The following CTSV variants were observed in gnomAD, a reference collection of about 807,000 sequenced individuals.
The protein encoded by CTSV is cathepsin L2.
A neutral mutation model predicts 35.6 loss-of-function variants in CTSV; 33 were observed. That is an observed-to-expected ratio of 0.93 (90% CI 0.70 to 1.24). The LOEUF is 1.24. Ranked by LOEUF, CTSV falls within the 50% of genes most tolerant of loss-of-function variation. The pLI is 0.00. For missense variants in CTSV, 408 were observed against 413.1 expected, an observed-to-expected ratio of 0.99 and a Z score of 0.11; for synonymous variants, 154 against 147.1, an observed-to-expected ratio of 1.05 and a Z score of -0.34.
At position 97,033,027 on chromosome 9, in the gene CTSV, C is replaced by G. The variant is rs374126168; in HGVS notation, c.927G>C (p.Ser309=). Reference sequence around the variant, plus strand: ...CTTTGGCTATTTTTACATAGCCATTCGAGCCCCATTCTGGACCCCAGCTGA... The same window carrying G: ...CTTTGGCTATTTTTACATAGCCATTGGAGCCCCATTCTGGACCCCAGCTGA... The part of the protein sequence containing the change: ...VKNSWGPEWG[S]NGYVKIAKDK... The change falls in exon 8 of 8, where the codon TCG becomes TCC. Residue 309 remains serine, a synonymous_variant. Coordinates refer to ENST00000259470, the MANE Select transcript of CTSV (RefSeq NM_001333.4). The G allele has an allele frequency of 1.9e-5, 31 of 1,612,536 alleles. No individual in the cohort carries two copies. The Admixed American group carries it at 2.7e-4, about 14-fold the overall frequency.
intron 5 of CTSV, 57 bp from the exon 6 acceptor site, chr9:97,035,750 T>C: frequency 8.0e-7 from 1 of 1,246,966 alleles, no homozygotes; most frequent in Non-Finnish European, 1.0e-6. Context: ...CTGGGGAACA[T>C]TAGTTCTAGA....
intron 7 of CTSV, among the ~76,000 whole-genome samples, chr9:97,034,088 C>T (rs1828804401): frequency 6.6e-6 from 1 of 152,192 alleles, no homozygotes; most frequent in Non-Finnish European, 1.5e-5. Flanking sequence ...CAGAGCGACA[C>T]TCTGTCTCAA....
rs778724315 is a variant in CTSV, at chr9:97,034,736, C to T, written c.895G>A (p.Val299Ile). Residue 299 changes from valine to isoleucine, a missense_variant, in exon 7 of 8, where the codon GTC (valine) becomes ATC (isoleucine). Val to Ile is a conservative substitution (Grantham distance 29, BLOSUM62 3). Coordinates refer to ENST00000259470, the MANE Select transcript of CTSV (RefSeq NM_001333.4). ...ANSNNSKYWL[V>I]KNSWGPEWGS... ...TTTTGAGTTTTATACCTGTTTTTGA[C>T]GAGCCAATACTTGCTGTTATTCGAA... The T allele has an allele frequency of 1.2e-5, 19 of 1,612,118 alleles. No homozygotes were observed. Among genetic ancestry groups the T allele is most frequent in the Admixed American group, 3.3e-5 (2 of 59,892 alleles).
At chr9:97,035,452 G>A in intron 6 of CTSV, 76 bp downstream of exon 6, 1 of 1,210,292 alleles carries the variant, frequency 8.3e-7, no homozygotes, top group Admixed American at 3.1e-5. Context: ...CTGCAAAGCA[G>A]GATGTCATAT....
Position 97,031,400 on chromosome 9 carries a change from ATTT to A in CTSV, c.*1546_*1548del, listed in dbSNP as rs1399990535. ...AAATTTCACCAGCTCATCCCCGGTA[ATTT>A]TTTATTTGACTGGAAACATGGGCTT... On this transcript the variant is annotated 3_prime_UTR_variant, in exon 8 of 8. Transcript: ENST00000259470. 3 of 152,088 alleles carry A rather than the reference ATTT, an allele frequency of 2.0e-5. No individual in the cohort carries two copies. The highest frequency in any genetic ancestry group is 2.9e-5 in the Non-Finnish European group (2 of 68,022). 9.4% of individuals were successfully genotyped at this position (152,088 alleles called of 1,614,324 possible).
intron 4 of CTSV, 69 bp from the exon 5 acceptor site, chr9:97,036,816 T>G: frequency 3.2e-6 from 4 of 1,251,238 alleles, no homozygotes; most frequent in Non-Finnish European, 4.3e-6. Flanking sequence ...CATAATTGAA[T>G]TACCTTAATA....
rs1828709256 is a variant in CTSV at position 97,029,718 on chromosome 9, A to G, written c.*3231T>C. ...GTTTTACTTATTAACTTACTTAAAA[A>G]GAGATAATGAACATTTGTGAAATTG... On this transcript the variant is annotated 3_prime_UTR_variant, in exon 8 of 8. Transcript: ENST00000259470. 6.6e-6 allele frequency: 1 copy of G among 152,258 alleles called. No individual in the cohort carries two copies. The highest frequency in any genetic ancestry group is 1.5e-5 in the Non-Finnish European group (1 of 68,046). 9.4% of individuals were successfully genotyped at this position (152,258 alleles called of 1,614,324 possible). A position where few individuals can be genotyped will look rare whatever the true frequency, so the allele number is the denominator to read the frequency against.
At position 97,036,014 on chromosome 9, in the gene CTSV, C is replaced by T. The variant is rs182689456; in HGVS notation, c.622-321G>A. ...GCTGTGTGTTAACCATCTAATGGTACTTATATGGTAACCATTAGCTGTTGA... is the reference window on the plus strand; with the variant it reads ...GCTGTGTGTTAACCATCTAATGGTATTTATATGGTAACCATTAGCTGTTGA... On this transcript the variant is annotated intron_variant, in intron 5 of 7. Coordinates refer to ENST00000259470, the MANE Select transcript of CTSV (RefSeq NM_001333.4). Among the ~76,000 whole-genome samples the T allele has an allele frequency of 8.6e-4, 131 of 151,996 alleles. 1 individual carries two copies. The highest frequency in any genetic ancestry group is 9.7e-4 in the East Asian group (5 of 5,178).
At chr9:97,034,123 T>C (rs189966834) in intron 7 of CTSV, among the ~76,000 whole-genome samples, 2 of 152,268 alleles carry the variant, frequency 1.3e-5, no homozygotes, top group African/African-American at 4.8e-5. Context: ...AATGAATGAA[T>C]GAATATATTG....
chr9:97,038,810 C>A (rs1263389636), intron 1 of CTSV, among the ~76,000 whole-genome samples: 1 of 152,150 alleles, frequency 6.6e-6, no homozygotes, highest in Non-Finnish European at 1.5e-5. Flanking sequence ...CGCGGCCAGG[C>A]TGGGGGCATG....
At chr9:97,036,790 T>C (rs753842511) in intron 4 of CTSV, 43 bp from the exon 5 acceptor site, 16 of 1,440,628 alleles carry the variant, frequency 1.1e-5, no homozygotes, top group South Asian at 1.3e-5. Context: ...ACAAGACCAA[T>C]ACAAATACAG....
At position 97,035,595 on chromosome 9, in the gene CTSV, G is replaced by C. The variant is rs772489481; in HGVS notation, c.720C>G (p.Val240=). ...PGKEKALMKA[V]ATVGPISVAM... ...CAACGGAGATGGGCCCCACAGTTGC[G>C]ACTGCTTTCATCAGGGCCTTCTCCT... The change falls in exon 6 of 8, where the codon GTC becomes GTG. Residue 240 remains valine, a synonymous_variant. Coordinates refer to ENST00000259470, the MANE Select transcript of CTSV (RefSeq NM_001333.4). 1.2e-5 allele frequency: 19 copies of C among 1,604,702 alleles called. No individual in the cohort carries two copies. Among genetic ancestry groups the C allele is most frequent in the African/African-American group, 9.4e-5 (7 of 74,550 alleles).
At position 97,034,892 on chromosome 9, in the gene CTSV, G is replaced by T. The variant is rs750180388; in HGVS notation, c.788-49C>A. 10 of 1,415,452 alleles carry T rather than the reference G, an allele frequency of 7.1e-6. No individual in the cohort carries two copies. The South Asian group carries it at 1.0e-4, about 15-fold the overall frequency. The allele number at this position is 1,415,452 out of a possible 1,614,324, so 87.7% of individuals were successfully genotyped here. ...GGGTGAGAAGCTCCAAGCGACATGT[G>T]ACAGTAACCCACCCTACCACCCTCC... On this transcript the variant is annotated intron_variant, in intron 6 of 7. Coordinates refer to ENST00000259470, the MANE Select transcript of CTSV (RefSeq NM_001333.4).
In CTSV at chr9:97,037,674, A is replaced by C. The variant is rs1828879679; in HGVS notation, c.127-59T>G. On this transcript the variant is annotated intron_variant, in intron 2 of 7. Coordinates refer to ENST00000259470, the MANE Select transcript of CTSV (RefSeq NM_001333.4). ...TCTACTTACCCAACCCATGTTCACC[A>C]AGCCGATTTGCGGGCAGAAATGGAA... is the stretch of plus-strand genomic sequence containing the variant. 2.5e-6 allele frequency: 4 copies of C among 1,592,572 alleles called. No individual in the cohort carries two copies. In the South Asian group the frequency reaches 3.4e-5, roughly 14 times the overall value.
At position 97,032,639 on chromosome 9, in the gene CTSV, T is replaced by TAA. The variant is rs11452112; in HGVS notation, c.*308_*309dup. On this transcript the variant is annotated 3_prime_UTR_variant, in exon 8 of 8. Coordinates refer to ENST00000259470, the MANE Select transcript of CTSV (RefSeq NM_001333.4). ...CTGACTACACAAAAAGCCAATGCAT[T>TAA]AAAAAAAGGCCCACCTTTATATACG... is the stretch of plus-strand genomic sequence containing the variant. The TAA allele has an allele frequency of 1.3e-5, 3 of 233,142 alleles. No homozygotes were observed. Among genetic ancestry groups the TAA allele is most frequent in the East Asian group, 9.0e-5 (1 of 11,164 alleles). 14.4% of individuals were successfully genotyped at this position (233,142 alleles called of 1,614,324 possible).
Position 97,037,785 on chromosome 9 carries a change from C to T in CTSV, c.126+133G>A. 3.6e-6 allele frequency: 5 copies of T among 1,380,138 alleles called. No individual in the cohort carries two copies. In the East Asian group the frequency reaches 1.1e-4, roughly 32 times the overall value. The allele number at this position is 1,380,138 out of a possible 1,614,324, so 85.5% of individuals were successfully genotyped here. ...ACAATGGAGATATATGCCCATATTG[C>T]ACCTATAATGGGTGCTGTTAGGTTA... On this transcript the variant is annotated intron_variant, in intron 2 of 7. Coordinates refer to ENST00000259470, the MANE Select transcript of CTSV (RefSeq NM_001333.4).
At chr9:97,035,750 TTAGTTC>T in intron 5 of CTSV, 57 bp from the exon 6 acceptor site, 1 of 1,246,966 alleles carries the variant, frequency 8.0e-7, no homozygotes, top group Non-Finnish European at 1.0e-6. Flanking sequence ...CTGGGGAACA[TTAGTTC>T]TAGAACCGAA....
chr9:97,037,702 G>T, intron 2 of CTSV, 87 bp from the exon 3 acceptor site: 1 of 1,559,906 alleles, frequency 6.4e-7, no homozygotes, highest in Non-Finnish European at 8.7e-7. Flanking sequence ...AAATGGAAGA[G>T]AAACCATGGC....
chr9:97,035,553 A>G lies in CTSV; in HGVS notation c.762T>C (p.His254=). The change falls in exon 6 of 8, where the codon CAT becomes CAC. Residue 254 remains histidine, a synonymous_variant. Transcript: ENST00000259470. ...GPISVAMDAG[H]SSFQFYKSGI... is the part of the protein sequence containing the mutation. ...CTGATTTGTAGAACTGGAAGGACGA[A>G]TGGCCTGCATCCATAGCAACGGAGA... is the stretch of plus-strand genomic sequence containing the variant. The G allele has an allele frequency of 6.4e-7, 1 of 1,565,114 alleles. No homozygotes were observed. Among genetic ancestry groups the G allele is most frequent in the Non-Finnish European group, 8.7e-7 (1 of 1,152,244 alleles).
Sources: gnomAD v4.1 joint callset for allele counts (sites outside exome capture counted in the v4.1 genomes callset) on GRCh38, gnomAD v4.1.1 for gene constraint, MANE v1.5 for transcripts, NCBI Gene and HGNC (gene_info 2026-07-23, HGNC 2026-07-21) for gene names.